Variants in CPA6 observed in about 807,000 individuals in gnomAD.
CPA6 encodes the protein carboxypeptidase A6.
In CPA6, 58 loss-of-function variants were observed where a neutral mutation model predicts 63.3. The observed-to-expected ratio is 0.92, with a 90% CI of 0.74 to 1.14. The LOEUF is 1.14. CPA6 is among the 50% of genes most tolerant of loss of function. The pLI is 0.00. For missense variants in CPA6, 565 were observed against 526.6 expected, an observed-to-expected ratio of 1.07 and a Z score of -0.71; for synonymous variants, 185 against 179.0, an observed-to-expected ratio of 1.03 and a Z score of -0.27.
chr8:67,622,344 A>G (rs937691662), intron 2 of CPA6, among the ~76,000 whole-genome samples: 3 of 152,228 alleles, frequency 2.0e-5, no homozygotes, highest in African/African-American at 7.2e-5. Context: ...TTCAGCTACA[A>G]TTGCTGAAAA....
intron 1 of CPA6, among the ~76,000 whole-genome samples, chr8:67,671,561 C>G (rs918929616): frequency 6.6e-6 from 1 of 152,166 alleles, no homozygotes; most frequent in Non-Finnish European, 1.5e-5. Flanking sequence ...ACTGTCTATA[C>G]CTGTGTGCCC....
intron 2 of CPA6, among the ~76,000 whole-genome samples, chr8:67,614,179 T>G (rs1814881501): frequency 6.6e-6 from 1 of 152,206 alleles, no homozygotes; most frequent in Admixed American, 6.5e-5. Flanking sequence ...TTGTAACTCC[T>G]AGACACTACC....
intron 1 of CPA6, among the ~76,000 whole-genome samples, chr8:67,636,991 T>C (rs2128989216): frequency 6.6e-6 from 1 of 151,786 alleles, no homozygotes; most frequent in South Asian, 2.1e-4. Flanking sequence ...TTATGGTTTA[T>C]AGTTGCAATA....
intron 1 of CPA6, among the ~76,000 whole-genome samples, chr8:67,708,025 A>G (rs1479539720): frequency 6.6e-6 from 1 of 152,202 alleles, no homozygotes; most frequent in East Asian, 1.9e-4. Context: ...GACCTGTGAC[A>G]AGTAAAGAAT....
In CPA6 at chr8:67,561,480, C is replaced by T. The variant is rs545527094; in HGVS notation, c.193-43433G>A. On this transcript the variant is annotated intron_variant, in intron 2 of 10. Transcript: ENST00000297770. ...AAGCAGCATAACAAGATTCTAGTCA[C>T]GAGGAAACGTCAGACAAAGCCAAAC... is the stretch of plus-strand genomic sequence containing the variant. Among the ~76,000 whole-genome samples, 92 of 152,172 alleles carry T rather than the reference C, an allele frequency of 6.0e-4. 1 individual carries two copies. Among genetic ancestry groups the T allele is most frequent in the African/African-American group, 2.0e-3 (81 of 41,522 alleles).
At chr8:67,531,422 T>C (rs1204532666) in intron 2 of CPA6, among the ~76,000 whole-genome samples, 1 of 151,922 alleles carries the variant, frequency 6.6e-6, no homozygotes, top group Non-Finnish European at 1.5e-5. Flanking sequence ...AAAATATAAA[T>C]CATTCAAATA....
intron 1 of CPA6, among the ~76,000 whole-genome samples, chr8:67,742,639 C>T (rs1394062684): frequency 2.0e-5 from 3 of 152,154 alleles, no homozygotes; most frequent in Admixed American, 2.0e-4. Flanking sequence ...AAGAACCATG[C>T]TATTCTTGAA....
Position 67,428,083 on chromosome 8 carries a change from C to T in CPA6, c.1090G>A (p.Val364Ile), listed in dbSNP as rs754011349. ...AVNALQSVYG[V>I]RYRYGPASTT... is the part of the protein sequence containing the mutation. ...GAGGCTGGTCCATATCTGTATCGTA[C>T]CCCGTATACTGACTGAAGTGCATTC... is the stretch of plus-strand genomic sequence containing the variant. The change falls in exon 10 of 11, where the codon GTA (valine) becomes ATA (isoleucine). Residue 364 changes from valine (V) to isoleucine (I), a missense_variant. Val to Ile is a conservative substitution (Grantham distance 29). Coordinates refer to ENST00000297770, the MANE Select transcript of CPA6 (RefSeq NM_020361.5). 8.6e-5 allele frequency: 138 copies of T among 1,613,152 alleles called. No homozygotes were observed. Among genetic ancestry groups the T allele is most frequent in the Middle Eastern group, 3.3e-4 (2 of 6,084 alleles).
chr8:67,660,496 ATT>A (rs5892089), intron 1 of CPA6, among the ~76,000 whole-genome samples: 2 of 78,938 alleles, frequency 2.5e-5, no homozygotes, highest in Admixed American at 1.5e-4. Flanking sequence ...TGCCCGGCTC[ATT>A]TTTTTTTTTT....
chr8:67,671,257 C>T lies in CPA6; in HGVS notation c.117-47006G>A, dbSNP rs138642805. Among the ~76,000 whole-genome samples the T allele has an allele frequency of 1.9e-4, 29 of 152,318 alleles. No individual in the cohort carries two copies. In the Middle Eastern group the frequency reaches 0.01, roughly 54 times the overall value. On this transcript the variant is annotated intron_variant, in intron 1 of 10. Transcript: ENST00000297770. Reference sequence around the variant, plus strand: ...ATTAAATATTTGCTGAAATTAAAATCTGCTGCCACATTTGTCTTTCAGTTG... The same window carrying T: ...ATTAAATATTTGCTGAAATTAAAATTTGCTGCCACATTTGTCTTTCAGTTG...
In CPA6 at chr8:67,485,829, T is replaced by C. The variant is rs16933334; in HGVS notation, c.637-1040A>G. On this transcript the variant is annotated intron_variant, in intron 6 of 10. Transcript: ENST00000297770. ...CTGCAGTGAGTGCACAGGTTACCTA[T>C]GCCAAAGAACAAGTTTCCATTTGTG... Among the ~76,000 whole-genome samples, 387 of 152,368 alleles carry C rather than the reference T, an allele frequency of 2.5e-3. 2 individuals carry two copies. The highest frequency in any genetic ancestry group is 8.8e-3 in the African/African-American group (365 of 41,590).
chr8:67,644,518 C>A (rs1815671035), intron 1 of CPA6, among the ~76,000 whole-genome samples: 1 of 152,158 alleles, frequency 6.6e-6, no homozygotes, highest in Non-Finnish European at 1.5e-5. Context: ...CATGTGAAGT[C>A]CTGGGTTCTG....
intron 6 of CPA6, among the ~76,000 whole-genome samples, chr8:67,485,317 A>T (rs1488595042): frequency 6.6e-6 from 1 of 151,362 alleles, no homozygotes; most frequent in African/African-American, 2.4e-5. Context: ...ATGAACAAAA[A>T]CTCCCTTTTT....
intron 1 of CPA6, among the ~76,000 whole-genome samples, chr8:67,724,420 T>C (rs1029842113): frequency 2.0e-5 from 3 of 152,200 alleles, no homozygotes; most frequent in Non-Finnish European, 4.4e-5. Flanking sequence ...GCTCAATGCT[T>C]CTTGAAGCCA....
chr8:67,591,932 G>T (rs1814137777), intron 2 of CPA6, among the ~76,000 whole-genome samples: 8 of 152,136 alleles, frequency 5.3e-5, no homozygotes. Flanking sequence ...TGTTGAATAG[G>T]AGTGATGAGA....
intron 1 of CPA6, among the ~76,000 whole-genome samples, chr8:67,692,823 G>A (rs1430623368): frequency 6.6e-6 from 1 of 152,174 alleles, no homozygotes; most frequent in Non-Finnish European, 1.5e-5. Context: ...CACAGATAAT[G>A]AGTGCAAATT....
intron 2 of CPA6, among the ~76,000 whole-genome samples, chr8:67,567,273 A>C (rs1813360981): frequency 6.6e-6 from 1 of 152,354 alleles, no homozygotes; most frequent in East Asian, 1.9e-4. Context: ...TGAGACCTGA[A>C]GTTCATGCAG....
chr8:67,538,683 G>A (rs989119274), intron 2 of CPA6, among the ~76,000 whole-genome samples: 3 of 151,472 alleles, frequency 2.0e-5, no homozygotes, highest in African/African-American at 4.9e-5. Flanking sequence ...TTTTCTTGAC[G>A]GAGTCTTGCT....
chr8:67,451,274 C>A (rs1810551764), intron 8 of CPA6, among the ~76,000 whole-genome samples: 1 of 152,200 alleles, frequency 6.6e-6, no homozygotes, highest in South Asian at 2.1e-4. Context: ...CCGTTGCCCA[C>A]ATTACTAGGT....
Sources: allele counts gnomAD v4.1 joint callset (sites outside exome capture counted in the v4.1 genomes callset), GRCh38; gene constraint gnomAD v4.1.1; transcripts MANE v1.5; gene names NCBI Gene and HGNC (gene_info 2026-07-23, HGNC 2026-07-21).